Variants in SRP54 observed in about 807,000 individuals in gnomAD.
The protein encoded by SRP54 is signal recognition particle subunit SRP54.
Under a neutral mutation model 64.8 loss-of-function variants are expected in SRP54, and 10 were observed. The ratio of observed to expected loss-of-function variants is 0.15; its 90% CI spans 0.10 to 0.26. The LOEUF is 0.26. SRP54 is among the 10% of genes least tolerant of loss of function. SRP54 has a pLI of 1.00. For missense variants in SRP54, 325 were observed against 613.7 expected, an observed-to-expected ratio of 0.53 and a Z score of 4.97; for synonymous variants, 193 against 185.6, an observed-to-expected ratio of 1.04 and a Z score of -0.32.
chr14:34,990,676 G>A (rs541164425), intron 1 of SRP54, among the ~76,000 whole-genome samples: 17 of 152,126 alleles, frequency 1.1e-4, no homozygotes, highest in Non-Finnish European at 1.9e-4. Flanking sequence ...CTGAGATTTA[G>A]GCTTAGCTAT....
At chr14:35,008,511 A>G in intron 5 of SRP54, 116 bp from the exon 6 acceptor site, 1 of 585,714 alleles carries the variant, frequency 1.7e-6, no homozygotes, top group Non-Finnish European at 2.6e-6. Flanking sequence ...TTTTCAGGAG[A>G]ATTATAAGCA....
intron 7 of SRP54, among the ~76,000 whole-genome samples, chr14:35,010,514 C>T (rs993029060): frequency 1.3e-5 from 2 of 151,990 alleles, no homozygotes; most frequent in Non-Finnish European, 2.9e-5. Flanking sequence ...TGCATGTGAT[C>T]CCAGCATTTT....
intron 13 of SRP54, chr14:35,019,530 T>G (rs766456070): frequency 1.7e-4 from 27 of 154,594 alleles, no homozygotes; most frequent in Non-Finnish European, 3.6e-4. Context: ...GAAAAAAAAT[T>G]ATTTACTGAA....
intron 13 of SRP54, among the ~76,000 whole-genome samples, chr14:35,021,374 A>C (rs1204148739): frequency 1.3e-5 from 2 of 152,188 alleles, no homozygotes; most frequent in East Asian, 3.8e-4. Context: ...TCTCAACTGT[A>C]ATCCCAGCAT....
At chr14:34,995,188 T>TGTGTGTGTAG (rs1555353238) in intron 1 of SRP54, among the ~76,000 whole-genome samples, 20 of 79,888 alleles carry the variant, frequency 2.5e-4, no homozygotes, top group African/African-American at 7.6e-4. Context: ...TGTGTGTGTG[T>TGTGTGTGTAG]AGAGAGAGAG....
intron 1 of SRP54, among the ~76,000 whole-genome samples, chr14:34,992,292 A>AT (rs1178545260): frequency 2.6e-5 from 4 of 151,928 alleles, no homozygotes; most frequent in Non-Finnish European, 5.9e-5. Flanking sequence ...AATAAAATAT[A>AT]TTTTTTAAAT....
rs764996670 is a variant in SRP54, at chr14:35,013,784, T to A, written c.786-18T>A. The A allele has an allele frequency of 3.8e-6, 6 of 1,589,964 alleles. No individual in the cohort carries two copies. In the Admixed American group the frequency reaches 1.1e-4, roughly 29 times the overall value. ...GGGGTTCTTTTGAGGTTATTTTATA[T>A]TTTCTTTTTTTTTCCAGAGTCGCTG... is the stretch of plus-strand genomic sequence containing the variant. On this transcript the variant is annotated intron_variant, in intron 9 of 15. Coordinates refer to ENST00000216774, the MANE Select transcript of SRP54 (RefSeq NM_003136.4).
intron 2 of SRP54, among the ~76,000 whole-genome samples, chr14:34,997,394 A>G (rs975615171): frequency 1.2e-4 from 18 of 152,140 alleles, no homozygotes; most frequent in Non-Finnish European, 2.2e-4. Flanking sequence ...GAAAAAGTTG[A>G]CTGTGGTTCA....
intron 10 of SRP54, among the ~76,000 whole-genome samples, chr14:35,014,295 GAGACGGA>G (rs2044404658): frequency 1.9e-5 from 1 of 53,220 alleles, no homozygotes; most frequent in African/African-American, 6.5e-5. Flanking sequence ...TTTTTTTTTT[GAGACGGA>G]GTTTCGCTCT....
chr14:35,023,435 A>C (rs1003016387), intron 14 of SRP54, among the ~76,000 whole-genome samples: 1 of 152,090 alleles, frequency 6.6e-6, no homozygotes, highest in African/African-American at 2.4e-5. Flanking sequence ...TGCTATAACT[A>C]AGTTTTCTTC....
intron 13 of SRP54, among the ~76,000 whole-genome samples, chr14:35,021,092 G>A (rs1176651931): frequency 6.6e-6 from 1 of 152,152 alleles, no homozygotes; most frequent in African/African-American, 2.4e-5. Flanking sequence ...TTATGAAATG[G>A]ATTTGGAGGT....
intron 2 of SRP54, among the ~76,000 whole-genome samples, chr14:34,997,828 A>G (rs1250482453): frequency 6.6e-6 from 1 of 152,206 alleles, no homozygotes; most frequent in African/African-American, 2.4e-5. Flanking sequence ...ACTGCTTATT[A>G]AAAAATAAAT....
At chr14:35,011,725 A>C in intron 8 of SRP54, 66 bp downstream of exon 8, 1 of 1,344,446 alleles carries the variant, frequency 7.4e-7, no homozygotes, top group Non-Finnish European at 9.9e-7. Context: ...AACCAGGTTG[A>C]GTATATGACC....
intron 11 of SRP54, 22 bp downstream of exon 11, chr14:35,014,852 A>C: frequency 1.3e-6 from 2 of 1,545,502 alleles, no homozygotes; most frequent in Non-Finnish European, 8.8e-7. Flanking sequence ...ACAAAAAAGC[A>C]CTTCATCTCA....
intron 11 of SRP54, among the ~76,000 whole-genome samples, chr14:35,015,257 A>G (rs533979828): frequency 1.1e-4 from 16 of 152,120 alleles, no homozygotes; most frequent in East Asian, 5.8e-4. Context: ...TTGTATTTTT[A>G]GTAGAGATGG....
At chr14:35,018,897 A>G (rs2044482057) in intron 12 of SRP54, 69 bp from the exon 13 acceptor site, 1 of 1,450,534 alleles carries the variant, frequency 6.9e-7, no homozygotes, top group African/African-American at 1.4e-5. Context: ...TAAACCTAAT[A>G]GTTAAATGTG....
chr14:35,000,204 C>T (rs2044147238), intron 3 of SRP54, among the ~76,000 whole-genome samples: 1 of 152,152 alleles, frequency 6.6e-6, no homozygotes, highest in African/African-American at 2.4e-5. Context: ...TCTTACCATG[C>T]TTTAGACATC....
intron 13 of SRP54, among the ~76,000 whole-genome samples, chr14:35,020,313 A>G (rs1448224756): frequency 6.6e-6 from 1 of 152,214 alleles, no homozygotes; most frequent in Non-Finnish European, 1.5e-5. Context: ...AACTGATTAC[A>G]GTGATGGTTG....
chr14:35,028,406 A>G (rs1430042736), intron 15 of SRP54, among the ~76,000 whole-genome samples: 3 of 152,132 alleles, frequency 2.0e-5, no homozygotes, highest in African/African-American at 7.2e-5. Flanking sequence ...TGAGCAAGCT[A>G]TTTAATCATC....
Sources: allele counts gnomAD v4.1 joint callset (sites outside exome capture counted in the v4.1 genomes callset), GRCh38; gene constraint gnomAD v4.1.1; transcripts MANE v1.5; gene names NCBI Gene and HGNC (gene_info 2026-07-23, HGNC 2026-07-21).